The following PTPRN2 variants were observed in gnomAD, a reference collection of about 807,000 sequenced individuals.
The protein encoded by PTPRN2 is receptor-type tyrosine-protein phosphatase N2.
PTPRN2 carries 74 observed loss-of-function variants against 118.8 expected under a neutral mutation model. That is an observed-to-expected ratio of 0.62 (90% CI 0.52 to 0.76). The LOEUF (loss-of-function observed/expected upper bound fraction) is 0.76, where lower values mean the gene tolerates loss of function less well. Ranked by LOEUF, PTPRN2 falls within the 30% of genes least tolerant of loss-of-function variation. The pLI is 0.00. For synonymous variants in PTPRN2, 641 were observed against 608.0 expected (o/e 1.05, Z -0.80); for missense variants, 1,481 against 1,394.4 (o/e 1.06, Z -0.99).
chr7:158,007,516 C>G (rs1292270360), intron 11 of PTPRN2, among the ~76,000 whole-genome samples: 2 of 152,170 alleles, frequency 1.3e-5, no homozygotes, highest in Non-Finnish European at 2.9e-5. Flanking sequence ...AGTGGGGCCT[C>G]ACAGGGCACC....
chr7:157,625,958 C>T (rs1803548356), intron 14 of PTPRN2, among the ~76,000 whole-genome samples: 1 of 152,182 alleles, frequency 6.6e-6, no homozygotes, highest in Non-Finnish European at 1.5e-5. Flanking sequence ...CCTTTTCCCC[C>T]AGTGCTGAGT....
chr7:158,209,402 G>A (rs1827417333), intron 3 of PTPRN2, among the ~76,000 whole-genome samples: 2 of 152,128 alleles, frequency 1.3e-5, no homozygotes, highest in Non-Finnish European at 2.9e-5. Flanking sequence ...AAGAGTAGCA[G>A]TACTTGTATC....
rs549697499 is a variant in PTPRN2, at chr7:157,752,101, C to G, written c.1789-69164G>C. On this transcript the variant is annotated intron_variant, in intron 12 of 22. Coordinates refer to ENST00000389418, the MANE Select transcript of PTPRN2 (RefSeq NM_002847.5). ...TCCACGAGCTCCTGCACCCCAAACCCCAGGCTCCTCCACACGCACTCACGA... is the reference window on the plus strand; with the variant it reads ...TCCACGAGCTCCTGCACCCCAAACCGCAGGCTCCTCCACACGCACTCACGA... 6.6e-5 allele frequency among the ~76,000 whole-genome samples: 10 copies of G among 152,308 alleles called. No individual in the cohort carries two copies. In the South Asian group the frequency reaches 2.1e-3, roughly 32 times the overall value.
chr7:158,229,530 A>G (rs1829031834), intron 3 of PTPRN2, among the ~76,000 whole-genome samples: 1 of 152,118 alleles, frequency 6.6e-6, no homozygotes, highest in Non-Finnish European at 1.5e-5. Flanking sequence ...AATTTAACAA[A>G]GAGATTGAAA....
At chr7:158,290,503 T>C (rs373598430) in intron 3 of PTPRN2, among the ~76,000 whole-genome samples, 39 of 151,960 alleles carry the variant, frequency 2.6e-4, no homozygotes, top group African/African-American at 9.2e-4. Flanking sequence ...TCCTACCTGG[T>C]ATTGGGGCAG....
intron 1 of PTPRN2, among the ~76,000 whole-genome samples, chr7:158,505,742 C>G (rs916538349): frequency 6.6e-6 from 1 of 151,824 alleles, no homozygotes; most frequent in Non-Finnish European, 1.5e-5. Context: ...GTGGGGTGAC[C>G]TGAGCACGCG....
chr7:157,825,494 C>T (rs767564871), intron 12 of PTPRN2, among the ~76,000 whole-genome samples: 4 of 152,192 alleles, frequency 2.6e-5, no homozygotes, highest in Non-Finnish European at 5.9e-5. Flanking sequence ...CTGTCACACT[C>T]AGTCACACTA....
At chr7:158,145,349 G>A (rs1367341151) in intron 6 of PTPRN2, among the ~76,000 whole-genome samples, 2 of 152,084 alleles carry the variant, frequency 1.3e-5, no homozygotes, top group Non-Finnish European at 2.9e-5. Context: ...GAATACCACG[G>A]CTTGGCAAGA....
chr7:158,273,078 C>T (rs1798619279), intron 3 of PTPRN2, among the ~76,000 whole-genome samples: 3 of 152,134 alleles, frequency 2.0e-5, no homozygotes, highest in Admixed American at 6.5e-5. Context: ...ACTCCAGCCA[C>T]AAGGAAGACA....
At chr7:158,182,929 C>T (rs1824837703) in intron 5 of PTPRN2, among the ~76,000 whole-genome samples, 1 of 152,198 alleles carries the variant, frequency 6.6e-6, no homozygotes. Flanking sequence ...GCCTATCTCA[C>T]TTCTCACATC....
At chr7:158,260,487 T>C (rs545738926) in intron 3 of PTPRN2, among the ~76,000 whole-genome samples, 1 of 152,314 alleles carries the variant, frequency 6.6e-6, no homozygotes, top group African/African-American at 2.4e-5. Flanking sequence ...GGATACGACT[T>C]CTTCAGAAGG....
At chr7:158,224,085 A>C (rs10156036) in intron 3 of PTPRN2, among the ~76,000 whole-genome samples, 78,265 of 152,006 alleles carry the variant, frequency 0.51, 22,131 homozygotes, top group African/African-American at 0.77. Context: ...CTGAAACACA[A>C]ACAATGGTGA....
rs1429065028 is a variant in PTPRN2 at position 158,372,432 on chromosome 7, G to C, written c.164-55500C>G. Among the ~76,000 whole-genome samples the C allele has an allele frequency of 1.4e-5, 2 of 138,414 alleles. 1 individual carries two copies. The highest frequency in any genetic ancestry group is 3.1e-5 in the Non-Finnish European group (2 of 63,970). The allele number at this position is 138,414 out of a possible 152,430, so 90.8% of individuals were successfully genotyped here. A position where few individuals can be genotyped will look rare whatever the true frequency, so the allele number is the denominator to read the frequency against. On this transcript the variant is annotated intron_variant, in intron 2 of 22. Transcript: ENST00000389418. ...GCTGGTCCCCCCAACACTGGTCCCCGAAGCTGGTCCCCCCAATGCTGGTCC... is the reference window on the plus strand; with the variant it reads ...GCTGGTCCCCCCAACACTGGTCCCCCAAGCTGGTCCCCCCAATGCTGGTCC...
intron 3 of PTPRN2, among the ~76,000 whole-genome samples, chr7:158,249,151 C>G (rs1796484508): frequency 6.6e-6 from 1 of 150,892 alleles, no homozygotes; most frequent in Non-Finnish European, 1.5e-5. Flanking sequence ...ATCACATATT[C>G]ATATCACCAC....
Position 158,341,544 on chromosome 7 carries a change from A to ACCTGCAGACGTCACTCACACCCACAC in PTPRN2, c.164-24613_164-24612insGTGTGGGTGTGAGTGACGTCTGCAGG, listed in dbSNP as rs1563177870. Among the ~76,000 whole-genome samples, 26 of 103,308 alleles carry ACCTGCAGACGTCACTCACACCCACAC rather than the reference A, an allele frequency of 2.5e-4. 1 individual carries two copies. The highest frequency in any genetic ancestry group is 3.1e-4 in the East Asian group (1 of 3,228). The allele number at this position is 103,308 out of a possible 152,430, so 67.8% of individuals were successfully genotyped here. On this transcript the variant is annotated intron_variant, in intron 2 of 22. Transcript: ENST00000389418. ...CCACACTCTCACCATAAGAGGTGAC[A>ACCTGCAGACGTCACTCACACCCACAC]TCTGCAGACGTCACTCACACCCACA...
chr7:158,499,807 G>GTGTGTGTA (rs763360985), intron 1 of PTPRN2, among the ~76,000 whole-genome samples: 3 of 148,890 alleles, frequency 2.0e-5, no homozygotes, highest in African/African-American at 7.5e-5. Flanking sequence ...GTGTGTGTGT[G>GTGTGTGTA]TATATATATA....
chr7:158,044,879 C>G (rs1350370689), intron 11 of PTPRN2, among the ~76,000 whole-genome samples: 1 of 152,170 alleles, frequency 6.6e-6, no homozygotes, highest in African/African-American at 2.4e-5. Context: ...ACGAGAGCAC[C>G]TGGAGGACAC....
intron 3 of PTPRN2, among the ~76,000 whole-genome samples, chr7:158,248,308 C>G (rs190745365): frequency 6.6e-6 from 1 of 152,294 alleles, no homozygotes. Flanking sequence ...GCCAGCTATG[C>G]AGCAAGCACC....
At chr7:158,094,657 A>C (rs1480797780) in intron 10 of PTPRN2, among the ~76,000 whole-genome samples, 1 of 152,206 alleles carries the variant, frequency 6.6e-6, no homozygotes, top group Non-Finnish European at 1.5e-5. Flanking sequence ...TTAAGGATTA[A>C]TGAGCTACAC....
Sources: allele counts gnomAD v4.1 joint callset (sites outside exome capture counted in the v4.1 genomes callset), GRCh38; gene constraint gnomAD v4.1.1; transcripts MANE v1.5; gene names NCBI Gene and HGNC (gene_info 2026-07-23, HGNC 2026-07-21).